Variants in AGBL1 observed in about 807,000 individuals in gnomAD.
The protein encoded by AGBL1 is AGBL carboxypeptidase 1.
In AGBL1, 130 loss-of-function variants were observed where a neutral mutation model predicts 118.9. The ratio of observed to expected loss-of-function variants is 1.09; its 90% CI spans 0.95 to 1.26. The LOEUF is 1.26. Ranked by LOEUF, AGBL1 falls within the 50% of genes most tolerant of loss-of-function variation. AGBL1 has a pLI of 0.00. For synonymous variants in AGBL1, 555 were observed against 478.9 expected, an observed-to-expected ratio of 1.16 and a Z score of -2.08; for missense variants, 1,584 against 1,298.1, an observed-to-expected ratio of 1.22 and a Z score of -3.38.
chr15:86,711,602 G>C (rs1165522241), intron 22 of AGBL1, among the ~76,000 whole-genome samples: 1 of 152,196 alleles, frequency 6.6e-6, no homozygotes. Context: ...TAGGCACCCA[G>C]ATAAATATTT....
chr15:86,700,089 G>A (rs370240083), intron 22 of AGBL1, among the ~76,000 whole-genome samples: 99 of 151,730 alleles, frequency 6.5e-4, no homozygotes, highest in Non-Finnish European at 1.1e-3. Flanking sequence ...TATATCTATG[G>A]ATTCAAGGAT....
At chr15:86,407,129 A>C (rs1445897520) in intron 18 of AGBL1, among the ~76,000 whole-genome samples, 2 of 152,150 alleles carry the variant, frequency 1.3e-5, no homozygotes, top group African/African-American at 2.4e-5. Flanking sequence ...TTTTCTGTCA[A>C]TCTGATTGGA....
rs115619131 is a variant in AGBL1, at chr15:86,809,897, G to A, written c.3159-97190G>A. ...TTTCTTGATGTGAGTTTTATATGTC[G>A]TTTGGCCAATAAAAGCTCTGCTGGA... On this transcript the variant is annotated intron_variant, in intron 22 of 22. Transcript: ENST00000614907. Among the ~76,000 whole-genome samples the A allele has an allele frequency of 9.0e-3, 1,367 of 152,128 alleles. 21 individuals are homozygous for A. The highest frequency in any genetic ancestry group is 0.03 in the African/African-American group (1,265 of 41,488).
intron 18 of AGBL1, among the ~76,000 whole-genome samples, chr15:86,486,867 C>A (rs1412309528): frequency 6.6e-6 from 1 of 151,944 alleles, no homozygotes; most frequent in African/African-American, 2.4e-5. Flanking sequence ...CGACTTGGAC[C>A]TCTGTACATG....
chr15:86,506,630 T>C (rs2082980737), intron 18 of AGBL1, among the ~76,000 whole-genome samples: 1 of 152,106 alleles, frequency 6.6e-6, no homozygotes, highest in South Asian at 2.1e-4. Context: ...ACTTGCCATC[T>C]GCTGCACTAT....
chr15:86,491,790 G>T (rs1422278425), intron 18 of AGBL1, among the ~76,000 whole-genome samples: 1 of 150,948 alleles, frequency 6.6e-6, no homozygotes, highest in African/African-American at 2.4e-5. Flanking sequence ...GATATTTTTA[G>T]TCATTCTTCA....
intron 5 of AGBL1, among the ~76,000 whole-genome samples, chr15:86,215,084 C>T (rs776328171): frequency 2.6e-5 from 4 of 152,102 alleles, no homozygotes; most frequent in Non-Finnish European, 5.9e-5. Context: ...CTTTTTCTTT[C>T]CTTTCAGCAT....
intron 18 of AGBL1, among the ~76,000 whole-genome samples, chr15:86,456,057 A>G (rs544453449): frequency 2.0e-5 from 3 of 152,300 alleles, no homozygotes; most frequent in East Asian, 1.9e-4. Flanking sequence ...TTCTGTATAG[A>G]TGAACAGACT....
rs1240401836 is a variant in AGBL1 at position 86,937,258 on chromosome 15, G to A, written c.3222-50729G>A. ...AAGCAGTATGGTGATTCCTCAAAGA[G>A]CTAAAAGCAGAACTACCATTAAACC... On this transcript the variant is annotated intron_variant, in intron 23 of 24. Coordinates refer to the AGBL1 transcript ENST00000441037. 7.9e-5 allele frequency among the ~76,000 whole-genome samples: 12 copies of A among 152,258 alleles called. No homozygotes were observed. The East Asian group carries it at 2.3e-3, about 29-fold the overall frequency.
chr15:86,092,546 A>G (rs1280904148), intron 1 of AGBL1, among the ~76,000 whole-genome samples: 1 of 152,184 alleles, frequency 6.6e-6, no homozygotes, highest in Non-Finnish European at 1.5e-5. Context: ...TGAAGTCAAG[A>G]GAGGTGAGAA....
chr15:86,761,240 A>T (rs923766928), intron 22 of AGBL1, among the ~76,000 whole-genome samples: 1 of 152,068 alleles, frequency 6.6e-6, no homozygotes, highest in African/African-American at 2.4e-5. Context: ...GTTCATTGAG[A>T]ACTTACTGTA....
intron 17 of AGBL1, among the ~76,000 whole-genome samples, chr15:86,305,691 T>C (rs904504468): frequency 1.2e-4 from 19 of 152,266 alleles, no homozygotes; most frequent in Non-Finnish European, 2.4e-4. Context: ...AGTTTTAAAT[T>C]TATCCTTTAA....
At chr15:86,432,268 A>AT (rs1390030231) in intron 18 of AGBL1, among the ~76,000 whole-genome samples, 2 of 152,152 alleles carry the variant, frequency 1.3e-5, no homozygotes, top group Non-Finnish European at 2.9e-5. Context: ...TACCTAGGGT[A>AT]TTTTTTGTTC....
At chr15:86,894,599 G>A (rs964527138) in intron 22 of AGBL1, among the ~76,000 whole-genome samples, 1 of 152,150 alleles carries the variant, frequency 6.6e-6, no homozygotes, top group South Asian at 2.1e-4. Flanking sequence ...TATCTGGAAT[G>A]AGCAAACAGT....
At chr15:86,411,368 G>C (rs1305604685) in intron 18 of AGBL1, among the ~76,000 whole-genome samples, 1 of 152,042 alleles carries the variant, frequency 6.6e-6, no homozygotes, top group Non-Finnish European at 1.5e-5. Context: ...CACCTCGAAG[G>C]CTGGCATTGG....
chr15:86,475,058 C>T (rs1342579621), intron 18 of AGBL1, among the ~76,000 whole-genome samples: 2 of 152,078 alleles, frequency 1.3e-5, no homozygotes, highest in East Asian at 3.9e-4. Flanking sequence ...GACATCTACA[C>T]CAAAACCCCA....
intron 24 of AGBL1, among the ~76,000 whole-genome samples, chr15:86,995,373 G>A (rs974590121): frequency 1.3e-5 from 2 of 152,118 alleles, no homozygotes; most frequent in South Asian, 4.1e-4. Context: ...GTGACAGAGC[G>A]AGAACCTGTC....
chr15:86,539,293 A>G (rs1050362710), intron 19 of AGBL1, among the ~76,000 whole-genome samples: 7 of 152,204 alleles, frequency 4.6e-5, no homozygotes, highest in Non-Finnish European at 7.3e-5. Context: ...TCAAGGAGTT[A>G]TTCCTAACCT....
intron 24 of AGBL1, among the ~76,000 whole-genome samples, chr15:87,015,876 A>G (rs1472744327): frequency 6.6e-6 from 1 of 152,174 alleles, no homozygotes; most frequent in Non-Finnish European, 1.5e-5. Context: ...CCTTTAAGGT[A>G]TACTACCTTA....
Sources: allele counts gnomAD v4.1 joint callset (sites outside exome capture counted in the v4.1 genomes callset), GRCh38; gene constraint gnomAD v4.1.1; transcripts MANE v1.5; gene names NCBI Gene and HGNC (gene_info 2026-07-23, HGNC 2026-07-21).